Variants in PTPRK observed in about 807,000 individuals in gnomAD.
PTPRK encodes receptor-type tyrosine-protein phosphatase kappa.
PTPRK carries 75 observed loss-of-function variants against 178.0 expected under a neutral mutation model. That is an observed-to-expected ratio of 0.42 (90% CI 0.35 to 0.51). The LOEUF is 0.51. PTPRK is among the 20% of genes least tolerant of loss of function. The pLI is 0.02. For missense variants in PTPRK, 1,441 were observed against 1,797.8 expected (o/e 0.80, Z 3.59); for synonymous variants, 637 against 620.6 (o/e 1.03, Z -0.39).
chr6:128,171,618 A>G (rs1800267732), intron 7 of PTPRK, among the ~76,000 whole-genome samples: 2 of 152,114 alleles, frequency 1.3e-5, no homozygotes, highest in South Asian at 4.1e-4. Context: ...ACTATTATGT[A>G]CTGTTTGTAA....
At chr6:128,066,908 T>C (rs1781874859) in intron 12 of PTPRK, among the ~76,000 whole-genome samples, 1 of 151,990 alleles carries the variant, frequency 6.6e-6, no homozygotes, top group African/African-American at 2.4e-5. Flanking sequence ...GTGTCCAAAA[T>C]GGGAAAAGGA....
At chr6:128,136,443 T>C (rs1795026606) in intron 7 of PTPRK, among the ~76,000 whole-genome samples, 1 of 152,210 alleles carries the variant, frequency 6.6e-6, no homozygotes, top group South Asian at 2.1e-4. Context: ...GGAAGATGCA[T>C]AATTCATTTA....
chr6:128,435,685 A>G (rs1377055415), intron 1 of PTPRK, among the ~76,000 whole-genome samples: 1 of 152,178 alleles, frequency 6.6e-6, no homozygotes, highest in Non-Finnish European at 1.5e-5. Flanking sequence ...ACTGTTAGAG[A>G]CTTCTCTTAA....
intron 2 of PTPRK, among the ~76,000 whole-genome samples, chr6:128,372,754 T>C (rs1836465448): frequency 6.6e-6 from 1 of 152,140 alleles, no homozygotes; most frequent in Non-Finnish European, 1.5e-5. Flanking sequence ...TACTCCATAG[T>C]ACATGGAGAA....
In PTPRK at chr6:128,520,300, G is replaced by A. The variant is rs1217084813; in HGVS notation, c.59C>T (p.Pro20Leu). ...PAFVALLLLS[P>L]WPLLGSAQGQ... Reference sequence around the variant, plus strand: ...TTGGGCCGATCCCAGGAGAGGCCAAGGAGAGAGGAGCAAGAGCGCCACAAA... The same window carrying A: ...TTGGGCCGATCCCAGGAGAGGCCAAAGAGAGAGGAGCAAGAGCGCCACAAA... The change falls in exon 1 of 30, where the codon CCT becomes CTT. Residue 20 changes from proline to leucine, a missense_variant. Around this residue, in one of 4 missense-constraint regions of PTPRK, gnomAD observed 158 missense variants for 188.0 expected, o/e 0.84. Transcript: ENST00000368226. 3.7e-6 allele frequency: 6 copies of A among 1,609,914 alleles called. No individual in the cohort carries two copies. The highest frequency in any genetic ancestry group is 5.1e-6 in the Non-Finnish European group (6 of 1,178,186).
chr6:128,281,797 G>T (rs979422689), intron 3 of PTPRK, among the ~76,000 whole-genome samples: 6 of 152,214 alleles, frequency 3.9e-5, no homozygotes, highest in African/African-American at 1.2e-4. Flanking sequence ...AGAGGTGCAA[G>T]CCAGTGGCCA....
intron 1 of PTPRK, among the ~76,000 whole-genome samples, chr6:128,410,868 CT>C (rs1336768375): frequency 6.6e-6 from 1 of 152,210 alleles, no homozygotes; most frequent in Admixed American, 6.5e-5. Flanking sequence ...AGTGGCAAAA[CT>C]TCCTTACCAG....
At chr6:128,305,887 G>T (rs1369111006) in intron 3 of PTPRK, among the ~76,000 whole-genome samples, 1 of 152,214 alleles carries the variant, frequency 6.6e-6, no homozygotes, top group African/African-American at 2.4e-5. Flanking sequence ...ATGCTATAGG[G>T]AATGCATTAG....
At chr6:128,508,415 T>C (rs1257491692) in intron 1 of PTPRK, among the ~76,000 whole-genome samples, 2 of 150,722 alleles carry the variant, frequency 1.3e-5, no homozygotes, top group African/African-American at 2.4e-5. Context: ...GGCAAGAGCA[T>C]GTTCTAGCTT....
chr6:128,430,054 T>C (rs536265477), intron 1 of PTPRK, among the ~76,000 whole-genome samples: 17 of 152,182 alleles, frequency 1.1e-4, no homozygotes, highest in Non-Finnish European at 1.6e-4. Context: ...AATAATAGAA[T>C]CACCTTGATG....
chr6:128,131,994 G>A (rs1794318793), intron 7 of PTPRK, among the ~76,000 whole-genome samples: 1 of 152,086 alleles, frequency 6.6e-6, no homozygotes, highest in Non-Finnish European at 1.5e-5. Flanking sequence ...TGTCTTTAAA[G>A]GTCAAATCAA....
At chr6:128,150,237 T>C (rs1034575455) in intron 7 of PTPRK, among the ~76,000 whole-genome samples, 1 of 152,138 alleles carries the variant, frequency 6.6e-6, no homozygotes, top group African/African-American at 2.4e-5. Flanking sequence ...CTGGGCTTAG[T>C]ATTGCTTTTT....
chr6:128,427,160 C>T (rs547412738), intron 1 of PTPRK, among the ~76,000 whole-genome samples: 6 of 152,306 alleles, frequency 3.9e-5, no homozygotes, highest in South Asian at 4.1e-4. Flanking sequence ...CCACTCTATG[C>T]GCCAGAGAGT....
chr6:128,076,905 T>TTA (rs1276868462), intron 11 of PTPRK, among the ~76,000 whole-genome samples: 2 of 152,056 alleles, frequency 1.3e-5, no homozygotes, highest in African/African-American at 4.8e-5. Flanking sequence ...TGTGGTCATT[T>TTA]TATCTTTGAT....
intron 2 of PTPRK, among the ~76,000 whole-genome samples, chr6:128,355,867 T>C (rs1457208728): frequency 1.3e-5 from 2 of 152,180 alleles, no homozygotes; most frequent in South Asian, 2.1e-4. Context: ...TTTCTACACA[T>C]AAACATATTT....
At chr6:128,444,815 G>A (rs1023447149) in intron 1 of PTPRK, among the ~76,000 whole-genome samples, 3 of 152,104 alleles carry the variant, frequency 2.0e-5, no homozygotes, top group Non-Finnish European at 4.4e-5. Flanking sequence ...AAGAACAACA[G>A]ATCTTCCTTC....
chr6:128,122,638 G>C (rs1021508934), intron 7 of PTPRK, among the ~76,000 whole-genome samples: 2 of 152,102 alleles, frequency 1.3e-5, no homozygotes, highest in African/African-American at 2.4e-5. Flanking sequence ...ACACTGGGAG[G>C]AAATTTACCA....
intron 7 of PTPRK, among the ~76,000 whole-genome samples, chr6:128,135,114 A>ACACACACACACACT (rs1175958889): frequency 6.7e-6 from 1 of 149,644 alleles, no homozygotes; most frequent in Admixed American, 6.7e-5. Flanking sequence ...ACACACACAC[A>ACACACACACACACT]CTCTCCTAAT....
Position 127,981,122 on chromosome 6 carries a change from A to T in PTPRK, c.3705T>A (p.Leu1235=). ...GESSNYINAA[L]MDSYRQPAAF... The stretch of plus-strand genomic sequence containing the variant: ...AAAGAGGGCAGTCTCTTACGTCCAT[A>T]AGAGCAGCATTGATGTAGTTACTGC... The change falls in exon 25 of 30, where the codon CTT becomes CTA. Residue 1235 remains leucine (L), a synonymous_variant. Coordinates refer to ENST00000368226, the MANE Select transcript of PTPRK (RefSeq NM_002844.4). The T allele has an allele frequency of 6.2e-7, 1 of 1,613,742 alleles. No individual in the cohort carries two copies. Among genetic ancestry groups the T allele is most frequent in the Non-Finnish European group, 8.5e-7 (1 of 1,179,794 alleles).
Sources: gnomAD v4.1 joint callset for allele counts (sites outside exome capture counted in the v4.1 genomes callset) on GRCh38, gnomAD v4.1.1 for gene constraint, gnomAD v4.1.1 regional missense constraint, MANE v1.5 for transcripts, NCBI Gene and HGNC (gene_info 2026-07-23, HGNC 2026-07-21) for gene names.